The following SNCAIP variants were observed in gnomAD, a reference collection of about 807,000 sequenced individuals.
The protein encoded by SNCAIP is synphilin-1.
Under a neutral mutation model 86.7 loss-of-function variants are expected in SNCAIP, and 43 were observed. That is an observed-to-expected ratio of 0.50 (90% CI 0.39 to 0.64). The LOEUF is 0.64. Ranked by LOEUF, SNCAIP falls within the 30% of genes least tolerant of loss-of-function variation. SNCAIP has a pLI of 0.00. For missense variants in SNCAIP, 981 were observed against 1,103.1 expected, an observed-to-expected ratio of 0.89 and a Z score of 1.57; for synonymous variants, 417 against 427.2, an observed-to-expected ratio of 0.98 and a Z score of 0.29.
chr5:122,357,203 T>C (rs1761196080), intron 1 of SNCAIP, among the ~76,000 whole-genome samples: 1 of 152,154 alleles, frequency 6.6e-6, no homozygotes, highest in Non-Finnish European at 1.5e-5. Context: ...GTCAATTGTA[T>C]GTCTGCCCTA....
At chr5:122,381,752 C>G (rs1057175344) in intron 1 of SNCAIP, among the ~76,000 whole-genome samples, 3 of 151,906 alleles carry the variant, frequency 2.0e-5, no homozygotes, top group East Asian at 1.9e-4. Flanking sequence ...GACAAAATCT[C>G]TCAGCATTTG....
At chr5:122,368,526 T>C (rs1763637165) in intron 1 of SNCAIP, among the ~76,000 whole-genome samples, 1 of 152,180 alleles carries the variant, frequency 6.6e-6, no homozygotes, top group African/African-American at 2.4e-5. Context: ...CTCTGTCATG[T>C]ACCAGCTGGA....
intron 1 of SNCAIP, among the ~76,000 whole-genome samples, chr5:122,370,598 T>C (rs749632391): frequency 1.3e-5 from 2 of 152,144 alleles, no homozygotes; most frequent in Non-Finnish European, 2.9e-5. Context: ...GTTTCATAGT[T>C]ATCAACAGAA....
At chr5:122,392,378 G>GTGTC (rs1234568816) in intron 2 of SNCAIP, among the ~76,000 whole-genome samples, 1 of 151,748 alleles carries the variant, frequency 6.6e-6, no homozygotes, top group Non-Finnish European at 1.5e-5. Flanking sequence ...TTTTGTCTAC[G>GTGTC]TGTCTGTCTG....
Position 122,449,851 on chromosome 5 carries a change from A to T in SNCAIP, c.1599A>T (p.Thr533=), listed in dbSNP as rs1210619747. ...TTTTGGTTGTTTTCCCCAGACAAACAGTAGAACGTGTCACGCTGCAGAACC... is the reference window on the plus strand; with the variant it reads ...TTTTGGTTGTTTTCCCCAGACAAACTGTAGAACGTGTCACGCTGCAGAACC... ...VKLTKQLKEQ[T]VERVTLQNQL... Residue 533 remains threonine (T), a synonymous_variant, in exon 9 of 11, where the codon ACA becomes ACT. Coordinates refer to ENST00000261368, the MANE Select transcript of SNCAIP (RefSeq NM_005460.4). 1 of 1,613,470 alleles carries T rather than the reference A, an allele frequency of 6.2e-7. No individual in the cohort carries two copies. Among genetic ancestry groups the T allele is most frequent in the East Asian group, 2.2e-5 (1 of 44,850 alleles).
At chr5:122,316,497 A>T (rs1580717273) in intron 1 of SNCAIP, among the ~76,000 whole-genome samples, 1 of 152,210 alleles carries the variant, frequency 6.6e-6, no homozygotes, top group East Asian at 1.9e-4. Context: ...CTCACCACAG[A>T]TGAACACTTG....
At chr5:122,322,661 T>C (rs1753199638) in intron 1 of SNCAIP, among the ~76,000 whole-genome samples, 1 of 152,160 alleles carries the variant, frequency 6.6e-6, no homozygotes, top group Non-Finnish European at 1.5e-5. Context: ...GTCTAGAAAA[T>C]GTTTTAAACA....
chr5:122,449,025 A>G (rs1783132458), intron 8 of SNCAIP, among the ~76,000 whole-genome samples: 1 of 152,026 alleles, frequency 6.6e-6, no homozygotes. Flanking sequence ...CAAAAAAAAA[A>G]ATGAGGTTAC....
chr5:122,353,681 C>G (rs1034257717), intron 1 of SNCAIP, among the ~76,000 whole-genome samples: 21 of 152,332 alleles, frequency 1.4e-4, no homozygotes, highest in African/African-American at 5.1e-4. Flanking sequence ...AGCTCTCTCT[C>G]TTTGCTTCCC....
At chr5:122,361,086 G>C (rs1423206633) in intron 1 of SNCAIP, among the ~76,000 whole-genome samples, 1 of 148,196 alleles carries the variant, frequency 6.7e-6, no homozygotes, top group Non-Finnish European at 1.5e-5. Context: ...TTGGCAATCA[G>C]TTCTTTCAGC....
chr5:122,318,505 T>C (rs887375014), intron 1 of SNCAIP, among the ~76,000 whole-genome samples: 7 of 152,194 alleles, frequency 4.6e-5, no homozygotes, highest in African/African-American at 1.7e-4. Context: ...CCACCATGTA[T>C]CTCAAAAATT....
At chr5:122,316,209 C>T (rs1026363910) in intron 1 of SNCAIP, among the ~76,000 whole-genome samples, 8 of 152,190 alleles carry the variant, frequency 5.3e-5, no homozygotes, top group African/African-American at 1.4e-4. Flanking sequence ...CAAAATACAA[C>T]CTCAGGGATT....
chr5:122,461,669 G>GTTTTTTTTTT (rs55705552), intron 10 of SNCAIP, among the ~76,000 whole-genome samples: 30 of 133,296 alleles, frequency 2.3e-4, no homozygotes, highest in Non-Finnish European at 3.3e-4. Context: ...TTTTATAGCT[G>GTTTTTTTTTT]TTTTTTTTTT....
At chr5:122,382,720 TG>T (rs1164600772) in intron 1 of SNCAIP, among the ~76,000 whole-genome samples, 1 of 152,180 alleles carries the variant, frequency 6.6e-6, no homozygotes, top group Non-Finnish European at 1.5e-5. Flanking sequence ...GATGGGTTTT[TG>T]GTGTGGATGT....
chr5:122,392,924 A>AT (rs912899950), intron 2 of SNCAIP, among the ~76,000 whole-genome samples: 1 of 151,758 alleles, frequency 6.6e-6, no homozygotes, highest in African/African-American at 2.4e-5. Flanking sequence ...TAAAGTCAAG[A>AT]TTTTTTTTTA....
At chr5:122,407,780 G>GA (rs888930419) in intron 3 of SNCAIP, among the ~76,000 whole-genome samples, 3 of 151,790 alleles carry the variant, frequency 2.0e-5, no homozygotes, top group Non-Finnish European at 2.9e-5. Context: ...AGGCAAAAAA[G>GA]AAAAAAAATA....
chr5:122,330,456 C>T (rs1028702820), intron 1 of SNCAIP, among the ~76,000 whole-genome samples: 3 of 152,146 alleles, frequency 2.0e-5, no homozygotes, highest in African/African-American at 7.2e-5. Flanking sequence ...TGAGCAGTTA[C>T]AGCATTTGTA....
At chr5:122,420,356 A>G (rs1373198147) in intron 3 of SNCAIP, among the ~76,000 whole-genome samples, 1 of 152,212 alleles carries the variant, frequency 6.6e-6, no homozygotes, top group Non-Finnish European at 1.5e-5. Flanking sequence ...AATAAAGCCA[A>G]CATAAAAGAG....
chr5:122,365,612 G>T (rs544796958), intron 1 of SNCAIP, among the ~76,000 whole-genome samples: 1 of 152,226 alleles, frequency 6.6e-6, no homozygotes, highest in Non-Finnish European at 1.5e-5. Flanking sequence ...CTGTGAGGCG[G>T]AGATTGCAGT....
Sources: allele counts gnomAD v4.1 joint callset (sites outside exome capture counted in the v4.1 genomes callset), GRCh38; gene constraint gnomAD v4.1.1; transcripts MANE v1.5; gene names NCBI Gene and HGNC (gene_info 2026-07-23, HGNC 2026-07-21).